Variants in SRD5A2 observed in about 807,000 individuals in gnomAD.
The protein encoded by SRD5A2 is steroid 5 alpha-reductase 2.
A neutral mutation model predicts 27.4 loss-of-function variants in SRD5A2; 30 were observed. The observed-to-expected ratio is 1.10, with a 90% confidence interval of 0.82 to 1.49. The LOEUF (loss-of-function observed/expected upper bound fraction) is 1.49, where lower values mean the gene tolerates loss of function less well. SRD5A2 is among the 40% of genes most tolerant of loss of function. The pLI, the probability that SRD5A2 is intolerant of heterozygous loss-of-function variation, is 0.00. For synonymous variants in SRD5A2, 141 were observed against 133.6 expected, an observed-to-expected ratio of 1.06 and a Z score of -0.38; for missense variants, 348 against 323.4, an observed-to-expected ratio of 1.08 and a Z score of -0.58.
the SRD5A2 span, among the ~76,000 whole-genome samples, chr2:31,628,568 C>T: frequency 6.6e-6 from 1 of 152,134 alleles, no homozygotes; most frequent in Non-Finnish European, 1.5e-5. Context: ...TATAGTGTCA[C>T]TGGTCTATGT....
At chr2:31,612,794 G>A in the SRD5A2 span, among the ~76,000 whole-genome samples, 1 of 152,114 alleles carries the variant, frequency 6.6e-6, no homozygotes, top group Non-Finnish European at 1.5e-5. Flanking sequence ...AATCAAAACA[G>A]CATGCTATTG....
At position 31,549,124 on chromosome 2, in the gene SRD5A2, A is replaced by ATTATTG. The variant is rs1470399061; in HGVS notation, c.282-15359_282-15358insCAATAA. Reference sequence around the variant, plus strand: ...TATTATTATTATTATTATTATTATTATTATTTAAGATGGAGTCTCACTCTG... The same window carrying ATTATTG: ...TATTATTATTATTATTATTATTATTATTATTGTTATTTAAGATGGAGTCTCACTCTG... On this transcript the variant is annotated intron_variant, in intron 1 of 4. Coordinates refer to ENST00000622030, the MANE Select transcript of SRD5A2 (RefSeq NM_000348.4). Among the ~76,000 whole-genome samples the ATTATTG allele has an allele frequency of 6.3e-3, 881 of 139,050 alleles. 11 individuals carry two copies. The highest frequency in any genetic ancestry group is 0.012 in the Non-Finnish European group (755 of 63,352). The allele number at this position is 139,050 out of a possible 152,430, so 91.2% of individuals were successfully genotyped here. A position where few individuals can be genotyped will look rare whatever the true frequency, so the allele number is the denominator to read the frequency against.
the SRD5A2 span, among the ~76,000 whole-genome samples, chr2:31,655,498 G>A: frequency 2.0e-5 from 3 of 152,144 alleles, no homozygotes; most frequent in Non-Finnish European, 4.4e-5. Context: ...GCACATCATG[G>A]TTTCCACCAG....
chr2:31,599,954 A>G, the SRD5A2 span, among the ~76,000 whole-genome samples: 1 of 151,898 alleles, frequency 6.6e-6, no homozygotes, highest in Non-Finnish European at 1.5e-5. Context: ...ACTACCCATT[A>G]GTTATTTTTC....
upstream of SRD5A2, among the ~76,000 whole-genome samples, chr2:31,582,702 G>C: frequency 6.6e-6 from 1 of 152,104 alleles, no homozygotes; most frequent in South Asian, 2.1e-4. Flanking sequence ...GTCCTTCAGA[G>C]ACCTCAAAAC....
chr2:31,630,760 G>GA, the SRD5A2 span, among the ~76,000 whole-genome samples: 1 of 152,184 alleles, frequency 6.6e-6, no homozygotes, highest in African/African-American at 2.4e-5. Context: ...TATTCTGTTA[G>GA]AAAAAGGTGA....
chr2:31,648,768 C>T, the SRD5A2 span, among the ~76,000 whole-genome samples: 1 of 152,194 alleles, frequency 6.6e-6, no homozygotes, highest in Non-Finnish European at 1.5e-5. Context: ...CTGTTCTTTC[C>T]TCGAGGCATA....
At chr2:31,578,220 GA>G (rs755299336) in intron 1 of SRD5A2, among the ~76,000 whole-genome samples, 7 of 151,544 alleles carry the variant, frequency 4.6e-5, no homozygotes, top group Non-Finnish European at 1.0e-4. Flanking sequence ...TTTTCATTAG[GA>G]AAAAATGTTT....
intron 1 of SRD5A2, among the ~76,000 whole-genome samples, chr2:31,573,898 T>C (rs1254294847): frequency 1.3e-5 from 2 of 152,282 alleles, no homozygotes; most frequent in East Asian, 1.9e-4. Flanking sequence ...TTACCAGTAA[T>C]AAAAGGTGGT....
intron 1 of SRD5A2, among the ~76,000 whole-genome samples, chr2:31,554,927 G>GTGTA (rs1666462332): frequency 2.5e-5 from 1 of 39,324 alleles, no homozygotes; most frequent in Non-Finnish European, 5.4e-5. Context: ...TCCTGATCGT[G>GTGTA]TGTGTGTGTG....
chr2:31,591,410 T>A, the SRD5A2 span, among the ~76,000 whole-genome samples: 1 of 152,072 alleles, frequency 6.6e-6, no homozygotes, highest in Non-Finnish European at 1.5e-5. Flanking sequence ...CCAGTTAAAA[T>A]GGCGATCATT....
At chr2:31,608,468 T>TG in the SRD5A2 span, among the ~76,000 whole-genome samples, 2 of 151,952 alleles carry the variant, frequency 1.3e-5, no homozygotes, top group Non-Finnish European at 2.9e-5. Context: ...TGGTTGGAAC[T>TG]GTTGGAAAGA....
At chr2:31,537,966 T>C (rs1666059232) in intron 1 of SRD5A2, among the ~76,000 whole-genome samples, 1 of 152,160 alleles carries the variant, frequency 6.6e-6, no homozygotes, top group South Asian at 2.1e-4. Context: ...CATCCCAGCC[T>C]CTAGAACCGT....
At chr2:31,582,959 A>T (rs1667105931), upstream of SRD5A2, among the ~76,000 whole-genome samples, 1 of 152,118 alleles carries the variant, frequency 6.6e-6, no homozygotes, top group Non-Finnish European at 1.5e-5. Context: ...TTCTGTCTCA[A>T]TTTCTTCCTC....
chr2:31,639,820 G>A, the SRD5A2 span, among the ~76,000 whole-genome samples: 1 of 151,548 alleles, frequency 6.6e-6, no homozygotes, highest in South Asian at 2.1e-4. Flanking sequence ...ATATGTTTGG[G>A]GTAGCCTTAT....
At chr2:31,541,598 G>A (rs1236488411) in intron 1 of SRD5A2, among the ~76,000 whole-genome samples, 2 of 151,656 alleles carry the variant, frequency 1.3e-5, no homozygotes, top group Non-Finnish European at 2.9e-5. Context: ...CACACAAAAA[G>A]CACCTTCGTA....
At chr2:31,624,278 T>C in the SRD5A2 span, among the ~76,000 whole-genome samples, 2 of 152,124 alleles carry the variant, frequency 1.3e-5, no homozygotes, top group African/African-American at 4.8e-5. Context: ...AGTTAAATTA[T>C]TGTTGACTAC....
At chr2:31,641,081 C>T in the SRD5A2 span, among the ~76,000 whole-genome samples, 1 of 152,150 alleles carries the variant, frequency 6.6e-6, no homozygotes, top group African/African-American at 2.4e-5. Flanking sequence ...GGAACTGTCT[C>T]ATCCTCATAT....
the SRD5A2 span, among the ~76,000 whole-genome samples, chr2:31,591,741 G>A: frequency 2.7e-5 from 2 of 73,348 alleles, no homozygotes; most frequent in Admixed American, 1.5e-4. Flanking sequence ...TATACAACAT[G>A]GAATAACTAC....
Sources: gnomAD v4.1 joint callset for allele counts (sites outside exome capture counted in the v4.1 genomes callset) on GRCh38, gnomAD v4.1.1 for gene constraint, MANE v1.5 for transcripts, NCBI Gene and HGNC (gene_info 2026-07-23, HGNC 2026-07-21) for gene names.